Variants in THAP6 observed in about 807,000 individuals in gnomAD.
THAP6 encodes the protein THAP domain containing 6, also known as THAP domain-containing protein 6.
THAP6 carries 13 observed loss-of-function variants against 20.0 expected under a neutral mutation model. The ratio of observed to expected loss-of-function variants is 0.65; its 90% confidence interval spans 0.42 to 1.03. THAP6 has a LOEUF of 1.03. THAP6 is among the 50% of genes least tolerant of loss of function. The pLI, the probability that THAP6 is intolerant of heterozygous loss-of-function variation, is 0.00. For synonymous variants in THAP6, 93 were observed against 92.2 expected (o/e 1.01, Z -0.05); for missense variants, 262 against 261.6 (o/e 1.00, Z -0.01).
chr4:75,529,476 C>T lies in THAP6; in HGVS notation c.*2262C>T. The T allele has an allele frequency of 1.0e-6, 1 of 985,360 alleles. No individual in the cohort carries two copies. Among genetic ancestry groups the T allele is most frequent in the Non-Finnish European group, 1.2e-6 (1 of 829,912 alleles). The allele number at this position is 985,360 out of a possible 1,614,324, so 61.0% of individuals were successfully genotyped here. On this transcript the variant is annotated 3_prime_UTR_variant, in exon 5 of 5. Transcript: ENST00000311638. ...GCAAAATATTGGTATCATTAAGGACCCAGAGCTGCCCATTTTCTCTTTGTT... is the reference window on the plus strand; with the variant it reads ...GCAAAATATTGGTATCATTAAGGACTCAGAGCTGCCCATTTTCTCTTTGTT...
rs1560546655 is a variant in THAP6 at position 75,527,202 on chromosome 4, C to G, written c.657C>G (p.Asp219Glu). ...GTTGTCAGGAGAGCATAGAACAGGA[C>G]TATATTTCATGAAATAATTTCATGT... ...WDCCQESIEQ[D>E]YIS is the part of the protein sequence containing the mutation. Residue 219 changes from aspartate (D) to glutamate (E), a missense_variant, in exon 5 of 5, where the codon GAC becomes GAG. Coordinates refer to ENST00000311638, the MANE Select transcript of THAP6 (RefSeq NM_144721.6). The G allele has an allele frequency of 6.2e-7, 1 of 1,600,540 alleles. No individual in the cohort carries two copies.
intron 4 of THAP6, 22 bp downstream of exon 4, chr4:75,521,883 C>T: frequency 2.5e-6 from 4 of 1,612,762 alleles, no homozygotes; most frequent in Admixed American, 1.7e-5. Context: ...ACTTGCTGAG[C>T]TCATGTTAAT....
Position 75,529,663 on chromosome 4 carries a change from T to C in THAP6, c.*2449T>C, listed in dbSNP as rs1726598382. ...TGGCCTGTGTAAAGCAAAACCCAAG[T>C]CATCCCCCTCCAGAAATTTCTCTGG... is the stretch of plus-strand genomic sequence containing the variant. On this transcript the variant is annotated 3_prime_UTR_variant, in exon 5 of 5. Coordinates refer to ENST00000311638, the MANE Select transcript of THAP6 (RefSeq NM_144721.6). The C allele has an allele frequency of 1.0e-6, 1 of 985,318 alleles. No individual in the cohort carries two copies. Among genetic ancestry groups the C allele is most frequent in the South Asian group, 4.7e-5 (1 of 21,288 alleles). 61.0% of individuals were successfully genotyped at this position (985,318 alleles called of 1,614,324 possible). A position where few individuals can be genotyped will look rare whatever the true frequency, so the allele number is the denominator to read the frequency against.
chr4:75,540,430 C>A (rs1431140946), intron 2 of THAP6, among the ~76,000 whole-genome samples: 3 of 152,200 alleles, frequency 2.0e-5, no homozygotes, highest in South Asian at 2.1e-4. Flanking sequence ...AAGTCACTTA[C>A]TAAACAGATA....
chr4:75,533,916 C>G (rs1288698136), downstream of THAP6, among the ~76,000 whole-genome samples: 1 of 151,992 alleles, frequency 6.6e-6, no homozygotes, highest in East Asian at 1.9e-4. Context: ...CCCCCTCCCC[C>G]CACCGCACAA....
rs764610373 is a variant in THAP6, at chr4:75,521,717, T to TATC, written c.289-17_289-16insCAT. 5.7e-6 allele frequency: 9 copies of TATC among 1,581,120 alleles called. No homozygotes were observed. In the South Asian group the frequency reaches 1.1e-4, roughly 19 times the overall value. ...CAAAAGTATCTCACTTGATGATTAT[T>TATC]ATTAACTACTCTTAACAGGGGAAAA... On this transcript the variant is annotated intron_variant, in intron 3 of 4. Transcript: ENST00000311638.
In THAP6 at chr4:75,516,786, A is replaced by G; in HGVS notation, c.95A>G (p.Glu32Gly). 6.2e-7 allele frequency: 1 copy of G among 1,613,714 alleles called. No individual in the cohort carries two copies. Among genetic ancestry groups the G allele is most frequent in the Non-Finnish European group, 8.5e-7 (1 of 1,179,810 alleles). ...GLTFHVFPTDENIKRKWVLAM... is the reference protein window; with the variant it reads ...GLTFHVFPTDGNIKRKWVLAM... ...TTTTTTTCTAGATTCCCCACAGATG[A>G]AAACATCAAAAGGAAATGGGTATTA... Residue 32 changes from glutamate (E) to glycine (G), a missense_variant, in exon 3 of 5, where the codon GAA (glutamate) becomes GGA (glycine). Coordinates refer to ENST00000311638, the MANE Select transcript of THAP6 (RefSeq NM_144721.6).
At chr4:75,532,509 G>T (rs1166585496), downstream of THAP6, among the ~76,000 whole-genome samples, 1 of 152,150 alleles carries the variant, frequency 6.6e-6, no homozygotes, top group Non-Finnish European at 1.5e-5. Context: ...GAGGACGTTG[G>T]TCCTCTTCTC....
At chr4:75,518,713 T>C (rs1017262348) in intron 3 of THAP6, among the ~76,000 whole-genome samples, 1 of 152,220 alleles carries the variant, frequency 6.6e-6, no homozygotes, top group Non-Finnish European at 1.5e-5. Flanking sequence ...AATATTTTCC[T>C]ACACCGTAGC....
intron 4 of THAP6, among the ~76,000 whole-genome samples, chr4:75,523,016 T>C (rs1422877611): frequency 6.6e-6 from 1 of 152,248 alleles, no homozygotes; most frequent in Non-Finnish European, 1.5e-5. Flanking sequence ...TTTAGTTTTT[T>C]GAGGAACTTC....
chr4:75,537,102 C>T (rs1726879116), intron 2 of THAP6, among the ~76,000 whole-genome samples: 1 of 151,794 alleles, frequency 6.6e-6, no homozygotes, highest in South Asian at 2.1e-4. Context: ...TAAATTTATA[C>T]AAGTGTTGTC....
intron 1 of THAP6, 121 bp from the exon 2 acceptor site, chr4:75,515,312 A>G: frequency 1.2e-6 from 1 of 837,906 alleles, no homozygotes; most frequent in South Asian, 1.6e-5. Flanking sequence ...CAGGTGTTAG[A>G]AGAAGATATT....
chr4:75,524,058 A>G (rs903459487), intron 4 of THAP6, among the ~76,000 whole-genome samples: 6 of 152,164 alleles, frequency 3.9e-5, no homozygotes, highest in African/African-American at 1.4e-4. Flanking sequence ...CACCTTTGTC[A>G]AAAGTGAGTT....
chr4:75,516,539 A>G (rs1314455726), intron 2 of THAP6, among the ~76,000 whole-genome samples: 2 of 152,204 alleles, frequency 1.3e-5, no homozygotes, highest in African/African-American at 4.8e-5. Context: ...CTTCCTTATA[A>G]TGTGAGAAAA....
chr4:75,532,263 A>G (rs985508399), downstream of THAP6, among the ~76,000 whole-genome samples: 2 of 152,234 alleles, frequency 1.3e-5, no homozygotes, highest in Non-Finnish European at 2.9e-5. Flanking sequence ...GCAAGTCTGA[A>G]GTCCAGCAGG....
rs1725675401 is a variant in THAP6, at chr4:75,516,755, T to G, written c.81-17T>G. The G allele has an allele frequency of 6.2e-7, 1 of 1,602,424 alleles. No individual in the cohort carries two copies. Among genetic ancestry groups the G allele is most frequent in the African/African-American group, 1.3e-5 (1 of 74,246 alleles). On this transcript the variant is annotated splice_polypyrimidine_tract_variant and intron_variant, in intron 2 of 4. Transcript: ENST00000311638. ...ATAGTATTTGATTTTAAAATATTTTTTGTATTTTTTTTCTAGATTCCCCAC... is the reference window on the plus strand; with the variant it reads ...ATAGTATTTGATTTTAAAATATTTTGTGTATTTTTTTTCTAGATTCCCCAC...
chr4:75,529,416 T>G lies in THAP6; in HGVS notation c.*2202T>G, dbSNP rs1726582716. The G allele has an allele frequency of 2.7e-5, 27 of 985,462 alleles. No homozygotes were observed. The highest frequency in any genetic ancestry group is 3.3e-5 in the Non-Finnish European group (27 of 829,950). The allele number at this position is 985,462 out of a possible 1,614,324, so 61.0% of individuals were successfully genotyped here. ...AGTAGACTCAGCACTTCTTTTTCACTGGACCTAGTATAACTGAGAAATAAA... is the reference window on the plus strand; with the variant it reads ...AGTAGACTCAGCACTTCTTTTTCACGGGACCTAGTATAACTGAGAAATAAA... On this transcript the variant is annotated 3_prime_UTR_variant, in exon 5 of 5. Transcript: ENST00000311638.
At chr4:75,530,165 G>A (rs1726633551), downstream of THAP6, 13 of 708,862 alleles carry the variant, frequency 1.8e-5, no homozygotes, top group Non-Finnish European at 1.9e-5. Context: ...GATGACCCAC[G>A]TAGCAGGCCA....
intron 3 of THAP6, chr4:75,544,791 T>C (rs1298381363): frequency 6.6e-6 from 1 of 152,124 alleles, no homozygotes. Context: ...AATCTGTAGG[T>C]TCCCACTCCA....
Sources: gnomAD v4.1 joint callset for allele counts (sites outside exome capture counted in the v4.1 genomes callset) on GRCh38, gnomAD v4.1.1 for gene constraint, MANE v1.5 for transcripts, NCBI Gene and HGNC (gene_info 2026-07-23, HGNC 2026-07-21) for gene names.